Variants in MDGA2 observed in about 807,000 individuals in gnomAD.
The protein encoded by MDGA2 is MAM domain containing glycosylphosphatidylinositol anchor 2.
Under a neutral mutation model 117.8 loss-of-function variants are expected in MDGA2, and 40 were observed. The ratio of observed to expected loss-of-function variants is 0.34; its 90% CI spans 0.26 to 0.44. MDGA2 has a LOEUF of 0.44. Ranked by LOEUF, MDGA2 falls within the 20% of genes least tolerant of loss-of-function variation. MDGA2 has a pLI of 1.00. For missense variants in MDGA2, 1,123 were observed against 1,250.6 expected (o/e 0.90, Z 1.54); for synonymous variants, 452 against 439.0 (o/e 1.03, Z -0.37).
At chr14:47,156,204 G>C (rs1275333196) in intron 3 of MDGA2, among the ~76,000 whole-genome samples, 1 of 151,766 alleles carries the variant, frequency 6.6e-6, no homozygotes, top group Non-Finnish European at 1.5e-5. Context: ...CATCACACCT[G>C]GCCAAGATTT....
At chr14:47,256,090 C>A (rs1887608061) in intron 2 of MDGA2, among the ~76,000 whole-genome samples, 2 of 149,882 alleles carry the variant, frequency 1.3e-5, no homozygotes, top group African/African-American at 4.9e-5. Flanking sequence ...GGTTTTAAAT[C>A]AAATTTCTTT....
chr14:47,025,323 A>G (rs1888433036), intron 8 of MDGA2, among the ~76,000 whole-genome samples: 2 of 152,130 alleles, frequency 1.3e-5, no homozygotes, highest in African/African-American at 4.8e-5. Flanking sequence ...TCTGGATTTG[A>G]GAGGAATGTT....
At chr14:47,520,244 C>T (rs1894841398) in intron 1 of MDGA2, among the ~76,000 whole-genome samples, 1 of 152,148 alleles carries the variant, frequency 6.6e-6, no homozygotes, top group Non-Finnish European at 1.5e-5. Flanking sequence ...ATGATGTTTT[C>T]CTCTCTTTTG....
chr14:47,210,442 T>C (rs1046859187), intron 3 of MDGA2, among the ~76,000 whole-genome samples: 7 of 152,166 alleles, frequency 4.6e-5, no homozygotes, highest in Non-Finnish European at 1.0e-4. Context: ...TATTACCCTA[T>C]GAACCACACA....
Position 47,552,893 on chromosome 14 carries a change from C to G in MDGA2, c.280+121624G>C, listed in dbSNP as rs147932035. 5.0e-3 allele frequency among the ~76,000 whole-genome samples: 768 copies of G among 152,308 alleles called. 9 individuals carry two copies. The highest frequency in any genetic ancestry group is 0.017 in the African/African-American group (712 of 41,570). On this transcript the variant is annotated intron_variant, in intron 1 of 16. Coordinates refer to ENST00000399232, the MANE Select transcript of MDGA2 (RefSeq NM_001113498.3). ...TCTTGCTACATCATCTTTGTACTTA[C>G]GTTCCTTCCCCATGGATTGCTTTTC...
chr14:47,130,232 C>T (rs1882134237), intron 5 of MDGA2, among the ~76,000 whole-genome samples: 1 of 151,982 alleles, frequency 6.6e-6, no homozygotes, highest in Non-Finnish European at 1.5e-5. Context: ...TTAGGTCTAA[C>T]ATTTAAGTCT....
chr14:47,674,566 C>T lies in MDGA2; in HGVS notation c.231G>A (p.Val77=). 3 of 1,551,612 alleles carry T rather than the reference C, an allele frequency of 1.9e-6. No homozygotes were observed. Among genetic ancestry groups the T allele is most frequent in the Middle Eastern group, 1.7e-4 (1 of 5,992 alleles). ...HVKMDLLYGL[V]WLLTVLLEGI... is the part of the protein sequence containing the mutation. ...CCTCCAGGAGGACTGTCAGCAGCCACACGAGACCGTACAGTAAATCCATCT... is the reference window on the plus strand; with the variant it reads ...CCTCCAGGAGGACTGTCAGCAGCCATACGAGACCGTACAGTAAATCCATCT... The change falls in exon 1 of 17, where the codon GTG becomes GTA. Residue 77 remains valine (V), a synonymous_variant. Transcript: ENST00000399232.
intron 15 of MDGA2, among the ~76,000 whole-genome samples, chr14:46,848,728 G>A (rs1018208590): frequency 1.3e-5 from 2 of 151,692 alleles, no homozygotes; most frequent in Non-Finnish European, 2.9e-5. Flanking sequence ...ACTGTGTCGG[G>A]AAACCATCTG....
chr14:47,423,431 T>C (rs944640096), intron 1 of MDGA2, among the ~76,000 whole-genome samples: 1 of 152,178 alleles, frequency 6.6e-6, no homozygotes, highest in African/African-American at 2.4e-5. Flanking sequence ...GTTCACCTAA[T>C]TTAATCATCA....
chr14:46,903,484 T>C (rs879642156), intron 10 of MDGA2, among the ~76,000 whole-genome samples: 5 of 152,210 alleles, frequency 3.3e-5, no homozygotes, highest in Non-Finnish European at 5.9e-5. Flanking sequence ...AGAAGACTTA[T>C]GTTAGAATCT....
At chr14:47,280,311 T>A (rs1287436267) in intron 2 of MDGA2, among the ~76,000 whole-genome samples, 4 of 22,222 alleles carry the variant, frequency 1.8e-4, no homozygotes, top group Admixed American at 8.9e-4. Context: ...TGAAACTCCA[T>A]CTCAAAAAAA....
At chr14:47,650,839 G>T (rs1174815095) in intron 1 of MDGA2, among the ~76,000 whole-genome samples, 2 of 152,138 alleles carry the variant, frequency 1.3e-5, no homozygotes, top group Non-Finnish European at 2.9e-5. Context: ...CTTTTGAATT[G>T]CATGATGGTA....
intron 2 of MDGA2, among the ~76,000 whole-genome samples, chr14:47,223,441 G>A (rs1886370398): frequency 6.6e-6 from 1 of 152,142 alleles, no homozygotes; most frequent in South Asian, 2.1e-4. Context: ...TACTGCTTAA[G>A]ATTGTTTAGG....
rs141823089 is a variant in MDGA2, at chr14:47,585,996, C to T, written c.280+88521G>A. ...GGAGGAGAAGTAACTACAACTTGTT[C>T]AACCTAGGTCACATGTTTACTCCTG... On this transcript the variant is annotated intron_variant, in intron 1 of 16. Transcript: ENST00000399232. Among the ~76,000 whole-genome samples, 538 of 151,966 alleles carry T rather than the reference C, an allele frequency of 3.5e-3. 3 individuals carry two copies. Among genetic ancestry groups the T allele is most frequent in the Non-Finnish European group, 5.8e-3 (396 of 67,880 alleles).
At chr14:47,243,825 A>C (rs571934277) in intron 2 of MDGA2, among the ~76,000 whole-genome samples, 2 of 151,902 alleles carry the variant, frequency 1.3e-5, no homozygotes, top group South Asian at 4.2e-4. Flanking sequence ...ACGCTCCAAC[A>C]ATTTTAAGTG....
chr14:47,613,458 ATCTC>A (rs746974129), intron 1 of MDGA2, among the ~76,000 whole-genome samples: 6,875 of 146,448 alleles, frequency 0.047, 149 homozygotes, highest in Middle Eastern at 0.086. Context: ...TACTTCATTT[ATCTC>A]TCTCTCTCTC....
At chr14:47,622,065 A>G (rs970878223) in intron 1 of MDGA2, among the ~76,000 whole-genome samples, 2 of 152,240 alleles carry the variant, frequency 1.3e-5, no homozygotes, top group African/African-American at 4.8e-5. Flanking sequence ...TATTCCACAT[A>G]TATCTGTTTC....
chr14:46,921,616 C>CAA (rs77086877), intron 9 of MDGA2, among the ~76,000 whole-genome samples: 3 of 71,980 alleles, frequency 4.2e-5, no homozygotes, highest in Admixed American at 1.6e-4. Context: ...CAGGCCCTGT[C>CAA]AAAAAAAAAA....
At chr14:47,650,445 A>G (rs1303983619) in intron 1 of MDGA2, among the ~76,000 whole-genome samples, 1 of 152,188 alleles carries the variant, frequency 6.6e-6, no homozygotes, top group East Asian at 1.9e-4. Flanking sequence ...GCCTGTGTGG[A>G]GTGTGCAGGT....
Sources: gnomAD v4.1 joint callset for allele counts (sites outside exome capture counted in the v4.1 genomes callset) on GRCh38, gnomAD v4.1.1 for gene constraint, MANE v1.5 for transcripts, NCBI Gene and HGNC (gene_info 2026-07-23, HGNC 2026-07-21) for gene names.